The following GSTM2 variants were observed in gnomAD, a reference collection of about 807,000 sequenced individuals.
The protein encoded by GSTM2 is glutathione S-transferase mu 2, also known as GST class-mu 2.
Under a neutral mutation model 33.3 loss-of-function variants are expected in GSTM2, and 33 were observed. That is an observed-to-expected ratio of 0.99 (90% CI 0.75 to 1.33). The LOEUF (loss-of-function observed/expected upper bound fraction) is 1.33. Among genes scored for constraint, GSTM2 ranks in the 40% most tolerant of loss-of-function variants. The probability of loss-of-function intolerance (pLI) is 0.00; values close to 1 mark genes in which losing one functional copy is unlikely to be tolerated. For synonymous variants in GSTM2, 93 were observed against 95.6 expected (o/e 0.97, Z 0.16); for missense variants, 213 against 265.8 (o/e 0.80, Z 1.38).
At chr1:109,670,967 C>T (rs2101249809) in intron 5 of GSTM2, 2 of 302,714 alleles carry the variant, frequency 6.6e-6, no homozygotes, top group South Asian at 6.8e-5. Flanking sequence ...TGATTCTGCT[C>T]ATATCTGGTC....
chr1:109,668,308 G>T (rs548842378), intron 1 of GSTM2, 117 bp from the exon 2 acceptor site: 2 of 1,380,288 alleles, frequency 1.4e-6, no homozygotes, highest in East Asian at 4.6e-5. Context: ...CTGGGCGTGC[G>T]GGGTGGGGGC....
In GSTM2 at chr1:109,671,506, C is replaced by T; in HGVS notation, c.490C>T (p.Leu164Phe). 1.2e-6 allele frequency: 2 copies of T among 1,613,412 alleles called. No homozygotes were observed. Among genetic ancestry groups the T allele is most frequent in the Middle Eastern group, 1.6e-4 (1 of 6,062 alleles). The change falls in exon 7 of 8, where the codon CTT becomes TTT. Residue 164 changes from leucine to phenylalanine, a missense_variant. Transcript: ENST00000241337. ...TGTGGATTTCATCGCTTATGATGTCCTTGAGAGAAACCAAGTATTTGAGCC... is the reference window on the plus strand; with the variant it reads ...TGTGGATTTCATCGCTTATGATGTCTTTGAGAGAAACCAAGTATTTGAGCC... The part of the protein sequence containing the change: ...TFVDFIAYDV[L>F]ERNQVFEPSC...
Position 109,671,315 on chromosome 1 carries a change from C to T in GSTM2, c.389C>T (p.Ala130Val). ...AAACTGAAACCAGAATACCTGCAGG[C>T]ACTCCCTGAAATGCTGAAGCTCTAC... Reference protein sequence around the residue: ...FEKLKPEYLQALPEMLKLYSQ... With the variant: ...FEKLKPEYLQVLPEMLKLYSQ... Residue 130 changes from alanine to valine, a missense_variant, in exon 6 of 8, where the codon GCA becomes GTA. Ala to Val is a moderately conservative substitution (Grantham distance 64, BLOSUM62 0). Coordinates refer to ENST00000241337, the MANE Select transcript of GSTM2 (RefSeq NM_000848.4). 12 of 1,613,880 alleles carry T rather than the reference C, an allele frequency of 7.4e-6. No individual in the cohort carries two copies. The highest frequency in any genetic ancestry group is 9.3e-6 in the Non-Finnish European group (11 of 1,179,742).
intron 7 of GSTM2, among the ~76,000 whole-genome samples, chr1:109,682,293 T>C (rs2101267974): frequency 2.3e-5 from 1 of 43,018 alleles, no homozygotes; most frequent in South Asian, 7.3e-4. Flanking sequence ...CAGGCTGGAG[T>C]CCAGTGGCAC....
intron 7 of GSTM2, 76 bp downstream of exon 7, chr1:109,671,659 GCTACACAAAGAATAA>G (rs1647548993): frequency 1.1e-6 from 1 of 910,270 alleles, no homozygotes; most frequent in South Asian, 1.3e-5. Context: ...CAGTCCTGGA[GCTACACAAAGAATAA>G]CTCACATTTT....
chr1:109,674,217 C>G (rs966579492), intron 7 of GSTM2, among the ~76,000 whole-genome samples: 2 of 152,040 alleles, frequency 1.3e-5, no homozygotes, highest in Non-Finnish European at 2.9e-5. Flanking sequence ...AAGCCAAGAG[C>G]CTCCCTGTGG....
chr1:109,671,090 C>G, intron 5 of GSTM2, 197 bp from the exon 6 acceptor site: 2 of 591,928 alleles, frequency 3.4e-6, no homozygotes, highest in South Asian at 4.2e-5. Context: ...CCCATCACCT[C>G]AGAAAGACTC....
chr1:109,668,798 G>C, intron 2 of GSTM2, 127 bp from the exon 3 acceptor site: 1 of 1,100,248 alleles, frequency 9.1e-7, no homozygotes, highest in Non-Finnish European at 1.4e-6. Context: ...CTGGGATGTG[G>C]GACTGAGTGG....
chr1:109,673,166 G>A (rs761881421), intron 7 of GSTM2: 21 of 1,608,240 alleles, frequency 1.3e-5, no homozygotes, highest in Non-Finnish European at 1.7e-5. Flanking sequence ...CACCGCGCCT[G>A]GCCTCTTCCT....
In GSTM2 at chr1:109,668,491, A is replaced by C; in HGVS notation, c.103A>C (p.Met35Leu). 6.2e-7 allele frequency: 1 copy of C among 1,614,082 alleles called. No individual in the cohort carries two copies. The highest frequency in any genetic ancestry group is 8.5e-7 in the Non-Finnish European group (1 of 1,179,984). The change falls in exon 2 of 8, where the codon ATG becomes CTG. Residue 35 changes from methionine to leucine, a missense_variant. Met to Leu is a conservative substitution (Grantham distance 15, BLOSUM62 2). Transcript: ENST00000241337. Reference sequence around the variant, plus strand: ...AAGCTACGAGGAAAAGAAGTACACGATGGGGGACGGTAATGGCACCCTCGA... The same window carrying C: ...AAGCTACGAGGAAAAGAAGTACACGCTGGGGGACGGTAATGGCACCCTCGA... ...DSSYEEKKYT[M>L]GDAPDYDRSQ...
At chr1:109,675,649 A>G (rs1441714169), downstream of GSTM2, among the ~76,000 whole-genome samples, 2 of 152,170 alleles carry the variant, frequency 1.3e-5, no homozygotes, top group African/African-American at 4.8e-5. Flanking sequence ...TCTCCACTAT[A>G]TGACTGCATC....
At chr1:109,677,001 G>A (rs183756231), downstream of GSTM2, among the ~76,000 whole-genome samples, 1,058 of 152,156 alleles carry the variant, frequency 7.0e-3, 11 homozygotes, top group Middle Eastern at 0.01. Flanking sequence ...CTATATATCC[G>A]AAAATACAAC....
rs181297205 is a variant in GSTM2 at position 109,669,271 on chromosome 1, C to G, written c.178-19C>G. 3.7e-5 allele frequency: 59 copies of G among 1,613,824 alleles called. No individual in the cohort carries two copies. In the Admixed American group the frequency reaches 9.8e-4, roughly 27 times the overall value. ...GCCTGGTGGCCCAACTGAGCTTCCC[C>G]GGTTTCCCATCTATCCAGCTGCCCT... On this transcript the variant is annotated intron_variant, in intron 3 of 7. Transcript: ENST00000241337.
At chr1:109,673,100 C>T (rs764211056) in intron 7 of GSTM2, 1 of 1,403,672 alleles carries the variant, frequency 7.1e-7, no homozygotes, top group Non-Finnish European at 9.8e-7. Context: ...AAACTCCTGA[C>T]CTCAGGTGAT....
chr1:109,669,463 G>T lies in GSTM2; in HGVS notation c.260-8G>T, dbSNP rs372564417. The T allele has an allele frequency of 1.1e-5, 18 of 1,613,798 alleles. No individual in the cohort carries two copies. Among genetic ancestry groups the T allele is most frequent in the Non-Finnish European group, 1.5e-5 (18 of 1,179,694 alleles). ...GAGGCTGAGAGTGAATCTGCTTTACGAGGGTAGGCGGGGAATCAGAAAAGG... is the reference window on the plus strand; with the variant it reads ...GAGGCTGAGAGTGAATCTGCTTTACTAGGGTAGGCGGGGAATCAGAAAAGG... On this transcript the variant is annotated splice_region_variant and splice_polypyrimidine_tract_variant and intron_variant, in intron 4 of 7. Coordinates refer to ENST00000241337, the MANE Select transcript of GSTM2 (RefSeq NM_000848.4).
chr1:109,672,655 AG>A (rs1647589272), intron 7 of GSTM2, among the ~76,000 whole-genome samples: 1 of 152,196 alleles, frequency 6.6e-6, no homozygotes, highest in Non-Finnish European at 1.5e-5. Context: ...TGGCAATAGT[AG>A]GACTGACACA....
chr1:109,675,754 C>T (rs1477463601), downstream of GSTM2, among the ~76,000 whole-genome samples: 4 of 152,030 alleles, frequency 2.6e-5, no homozygotes, highest in African/African-American at 4.8e-5. Flanking sequence ...GTCATCAGGA[C>T]GTTCTCTCTG....
chr1:109,680,162 G>A (rs900039700), downstream of GSTM2, among the ~76,000 whole-genome samples: 3 of 149,906 alleles, frequency 2.0e-5, no homozygotes, highest in Admixed American at 6.7e-5. Context: ...CTCCAAAATT[G>A]TGTGAGCCAA....
Position 109,668,953 on chromosome 1 carries a change from G to T in GSTM2, c.141G>T (p.Leu47=). Residue 47 remains leucine, a synonymous_variant, in exon 3 of 8, where the codon CTG becomes CTT. Transcript: ENST00000241337. ...CTGATTATGACAGAAGCCAGTGGCT[G>T]AATGAAAAATTCAAGCTGGGCCTGG... is the stretch of plus-strand genomic sequence containing the variant. The part of the protein sequence containing the change: ...DAPDYDRSQW[L]NEKFKLGLDF... 1.9e-6 allele frequency: 3 copies of T among 1,612,308 alleles called. No homozygotes were observed. In the South Asian group the frequency reaches 3.3e-5, roughly 18 times the overall value.
Sources: allele counts gnomAD v4.1 joint callset (sites outside exome capture counted in the v4.1 genomes callset), GRCh38; gene constraint gnomAD v4.1.1; transcripts MANE v1.5; gene names NCBI Gene and HGNC (gene_info 2026-07-23, HGNC 2026-07-21).